Variants in CCT2 observed in about 807,000 individuals in gnomAD.
CCT2 encodes T-complex protein 1 subunit beta.
A neutral mutation model predicts 61.8 loss-of-function variants in CCT2; 18 were observed. The ratio of observed to expected loss-of-function variants is 0.29; its 90% confidence interval spans 0.20 to 0.43. CCT2 has a LOEUF of 0.43. Ranked by LOEUF, CCT2 falls within the 20% of genes least tolerant of loss-of-function variation. The pLI, the probability that CCT2 is intolerant of heterozygous loss-of-function variation, is 1.00. For synonymous variants in CCT2, 248 were observed against 215.9 expected, an observed-to-expected ratio of 1.15 and a Z score of -1.30; for missense variants, 556 against 656.9, an observed-to-expected ratio of 0.85 and a Z score of 1.68.
At chr12:69,601,229 G>T in intron 15 of CCT2, 66 bp from the exon 16 acceptor site, 2 of 1,281,562 alleles carry the variant, frequency 1.6e-6, no homozygotes, top group Non-Finnish European at 1.1e-6. Flanking sequence ...TTTGTATTTA[G>T]TATAATACTT....
intron 3 of CCT2, among the ~76,000 whole-genome samples, 166 bp from the exon 4 acceptor site, chr12:69,587,339 A>G (rs1881696243): frequency 6.6e-6 from 1 of 152,120 alleles, no homozygotes; most frequent in Non-Finnish European, 1.5e-5. Flanking sequence ...GGGTAGATAC[A>G]TGGTTTGGTT....
chr12:69,588,012 A>G lies in CCT2; in HGVS notation c.333+6A>G, dbSNP rs986630494. 2 of 1,607,948 alleles carry G rather than the reference A, an allele frequency of 1.2e-6. No individual in the cohort carries two copies. Among genetic ancestry groups the G allele is most frequent in the African/African-American group, 2.7e-5 (2 of 74,930 alleles). On this transcript the variant is annotated splice_donor_region_variant and intron_variant, in intron 5 of 15. Coordinates refer to ENST00000299300, the MANE Select transcript of CCT2 (RefSeq NM_006431.3). ...TAGCAGCAGAATTATTAAGGGTAAG[A>G]GCAACTAAGCAACTCTTTTTTCCTA...
At chr12:69,592,022 A>G in intron 7 of CCT2, 37 bp from the exon 8 acceptor site, 1 of 1,122,368 alleles carries the variant, frequency 8.9e-7, no homozygotes, top group South Asian at 1.3e-5. Flanking sequence ...GCTGCTTTGA[A>G]GTATTAAATA....
At chr12:69,591,755 C>T (rs1011357750) in intron 7 of CCT2, among the ~76,000 whole-genome samples, 2 of 152,164 alleles carry the variant, frequency 1.3e-5, no homozygotes, top group African/African-American at 2.4e-5. Flanking sequence ...AGAATACAGT[C>T]ATGGGTTCCT....
At chr12:69,586,457 C>T (rs1881660961) in intron 2 of CCT2, 113 bp downstream of exon 2, 2 of 770,654 alleles carry the variant, frequency 2.6e-6, no homozygotes, top group East Asian at 2.5e-5. Flanking sequence ...GAACTGAGGT[C>T]AGGAGTTCGA....
intron 7 of CCT2, 105 bp downstream of exon 7, chr12:69,589,792 T>A: frequency 1.1e-6 from 1 of 908,784 alleles, no homozygotes; most frequent in Non-Finnish European, 1.7e-6. Flanking sequence ...GCCAGTGAAC[T>A]TGAATTTAAG....
In CCT2 at chr12:69,586,439, A is replaced by T. The variant is rs138752607; in HGVS notation, c.78+95A>T. 5.0e-3 allele frequency: 4,380 copies of T among 876,438 alleles called. 20 individuals carry two copies. Among genetic ancestry groups the T allele is most frequent in the Middle Eastern group, 7.3e-3 (24 of 3,268 alleles). 54.3% of individuals were successfully genotyped at this position (876,438 alleles called of 1,614,324 possible). A position where few individuals can be genotyped will look rare whatever the true frequency, so the allele number is the denominator to read the frequency against. On this transcript the variant is annotated intron_variant, in intron 2 of 15. Transcript: ENST00000299300. ...TCCCAGTACTTTGGGAGGCCGAGGT[A>T]GGCGGATGAACTGAGGTCAGGAGTT...
At chr12:69,598,198 C>A in intron 13 of CCT2, 124 bp from the exon 14 acceptor site, 2 of 971,770 alleles carry the variant, frequency 2.1e-6, no homozygotes, top group Non-Finnish European at 3.1e-6. Context: ...TCTTCGTGAG[C>A]AGTAACTGAA....
At position 69,597,682 on chromosome 12, in the gene CCT2, T is replaced by G. The variant is rs775455611; in HGVS notation, c.1147T>G (p.Leu383Val). The change falls in exon 12 of 16, where the codon TTA becomes GTA. Residue 383 changes from leucine (L) to valine (V), a missense_variant. Leu to Val is a conservative substitution (Grantham distance 32). Coordinates refer to ENST00000299300, the MANE Select transcript of CCT2 (RefSeq NM_006431.3). Reference sequence around the variant, plus strand: ...TTTGCGTGGTGCCACTCAACAAATTTTAGATGAAGCAGAAAGATCATTGCA... The same window carrying G: ...TTTGCGTGGTGCCACTCAACAAATTGTAGATGAAGCAGAAAGATCATTGCA... ...IVLRGATQQI[L>V]DEAERSLHDA... 3.1e-6 allele frequency: 5 copies of G among 1,613,946 alleles called. No homozygotes were observed. The highest frequency in any genetic ancestry group is 2.2e-5 in the South Asian group (2 of 91,062).
rs1441202314 is a variant in CCT2, at chr12:69,597,192, T to C, written c.1019T>C (p.Leu340Pro). The C allele has an allele frequency of 2.5e-6, 4 of 1,613,710 alleles. No individual in the cohort carries two copies. The highest frequency in any genetic ancestry group is 1.1e-5 in the South Asian group (1 of 91,074). Residue 340 changes from leucine to proline, a missense_variant, in exon 11 of 16, where the codon CTG becomes CCG. Leu to Pro is a moderately conservative substitution (Grantham distance 98). This residue lies in a region of CCT2 where 225 missense variants were observed against 249.8 expected (regional missense o/e 0.90). Coordinates refer to ENST00000299300, the MANE Select transcript of CCT2 (RefSeq NM_006431.3). ...GCCTCTACCTTTGATCACCCAGAAC[T>C]GGTGAAGCTTGGAAGTTGCAAACTT... ...EIASTFDHPE[L>P]VKLGSCKLIE...
intron 15 of CCT2, among the ~76,000 whole-genome samples, chr12:69,600,733 G>C (rs962594561): frequency 6.6e-6 from 1 of 152,092 alleles, no homozygotes; most frequent in Non-Finnish European, 1.5e-5. Flanking sequence ...TCTTTGATCT[G>C]TTCTTAAGCT....
Position 69,585,536 on chromosome 12 carries a change from T to A in CCT2, c.3+12T>A, listed in dbSNP as rs373387339. On this transcript the variant is annotated intron_variant, in intron 1 of 15. Coordinates refer to ENST00000299300, the MANE Select transcript of CCT2 (RefSeq NM_006431.3). ...TCCTCGGAACCATGGTGAGCCTGACTCCCCTGCCTCTTGCCCTACCCCTGC... is the reference window on the plus strand; with the variant it reads ...TCCTCGGAACCATGGTGAGCCTGACACCCCTGCCTCTTGCCCTACCCCTGC... 3 of 1,570,218 alleles carry A rather than the reference T, an allele frequency of 1.9e-6. No homozygotes were observed. In the African/African-American group the frequency reaches 4.0e-5, roughly 21 times the overall value.
chr12:69,588,543 A>AT, intron 6 of CCT2: 2 of 254,762 alleles, frequency 7.9e-6, no homozygotes, highest in Non-Finnish European at 1.5e-5. Context: ...TTAAATATTA[A>AT]GCACATTTTT....
intron 9 of CCT2, 124 bp from the exon 10 acceptor site, chr12:69,593,386 A>G (rs879543757): frequency 1.6e-5 from 11 of 670,250 alleles, no homozygotes; most frequent in Non-Finnish European, 2.8e-5. Flanking sequence ...TAGGTAAGAA[A>G]TGCAATCTTG....
At position 69,597,736 on chromosome 12, in the gene CCT2, G is replaced by T. The variant is rs751977437; in HGVS notation, c.1201G>T (p.Val401Leu). ...TGCTCTTTGTGTTCTTGCGCAAACTGTAAAGGACTCTAGAACAGTTTATGG... is the reference window on the plus strand; with the variant it reads ...TGCTCTTTGTGTTCTTGCGCAAACTTTAAAGGACTCTAGAACAGTTTATGG... ...HDALCVLAQT[V>L]KDSRTVYGGG... is the part of the protein sequence containing the mutation. Residue 401 changes from valine to leucine, a missense_variant, in exon 12 of 16, where the codon GTA (valine) becomes TTA (leucine). Val to Leu is a conservative substitution (Grantham distance 32). This residue lies in a region of CCT2 where 225 missense variants were observed against 249.8 expected (regional missense o/e 0.90). Coordinates refer to ENST00000299300, the MANE Select transcript of CCT2 (RefSeq NM_006431.3). 12 of 1,613,618 alleles carry T rather than the reference G, an allele frequency of 7.4e-6. No individual in the cohort carries two copies. The highest frequency in any genetic ancestry group is 3.4e-6 in the Non-Finnish European group (4 of 1,179,558).
intron 10 of CCT2, among the ~76,000 whole-genome samples, chr12:69,594,030 G>C (rs73144539): frequency 5.7e-4 from 86 of 152,066 alleles, no homozygotes; most frequent in East Asian, 3.9e-4. Flanking sequence ...TAGCCACTTG[G>C]GGGGAGGCTG....
intron 1 of CCT2, 154 bp from the exon 2 acceptor site, chr12:69,586,116 C>A: frequency 2.6e-6 from 3 of 1,153,050 alleles, no homozygotes; most frequent in South Asian, 1.6e-5. Flanking sequence ...CACTTAAATG[C>A]TTTCTCCGAT....
At chr12:69,588,948 G>C (rs1423373322) in intron 6 of CCT2, among the ~76,000 whole-genome samples, 2 of 152,116 alleles carry the variant, frequency 1.3e-5, no homozygotes, top group African/African-American at 4.8e-5. Flanking sequence ...ATTTTGAGAC[G>C]GAGTCTCGCT....
At chr12:69,599,542 C>A (rs1882088820) in intron 14 of CCT2, among the ~76,000 whole-genome samples, 1 of 152,008 alleles carries the variant, frequency 6.6e-6, no homozygotes, top group South Asian at 2.1e-4. Context: ...TGCCCACCAC[C>A]ATGCCCGGCT....
Sources: allele counts gnomAD v4.1 joint callset (sites outside exome capture counted in the v4.1 genomes callset), GRCh38; gene constraint gnomAD v4.1.1; regional missense constraint gnomAD v4.1.1; transcripts MANE v1.5; gene names NCBI Gene and HGNC (gene_info 2026-07-23, HGNC 2026-07-21).